The following DLGAP2 variants were observed in gnomAD, a reference collection of about 807,000 sequenced individuals.
DLGAP2 encodes DLG associated protein 2.
Under a neutral mutation model 100.3 loss-of-function variants are expected in DLGAP2, and 26 were observed. The ratio of observed to expected loss-of-function variants is 0.26; its 90% CI spans 0.19 to 0.36. The LOEUF (loss-of-function observed/expected upper bound fraction) is 0.36. DLGAP2 is among the 10% of genes least tolerant of loss of function. The pLI, the probability that DLGAP2 is intolerant of heterozygous loss-of-function variation, is 1.00. For synonymous variants in DLGAP2, 886 were observed against 630.1 expected, an observed-to-expected ratio of 1.41 and a Z score of -6.08; for missense variants, 1,858 against 1,453.2, an observed-to-expected ratio of 1.28 and a Z score of -4.53.
chr8:788,103 C>T (rs1044759356), intron 1 of DLGAP2, among the ~76,000 whole-genome samples: 4 of 152,198 alleles, frequency 2.6e-5, no homozygotes, highest in African/African-American at 9.6e-5. Flanking sequence ...TCTCCCCCCA[C>T]CAGGAGATCC....
chr8:1,259,322 T>A (rs1254154164), intron 3 of DLGAP2, among the ~76,000 whole-genome samples: 1 of 152,228 alleles, frequency 6.6e-6, no homozygotes, highest in Non-Finnish European at 1.5e-5. Context: ...TGAGTGATGT[T>A]CATCAGTGTT....
chr8:1,537,221 A>G (rs1052684174), intron 4 of DLGAP2, among the ~76,000 whole-genome samples: 2 of 152,072 alleles, frequency 1.3e-5, no homozygotes, highest in African/African-American at 2.4e-5. Context: ...GTACAAAAGC[A>G]TGTGCATCTG....
chr8:1,547,889 T>C (rs1284514513), intron 4 of DLGAP2, among the ~76,000 whole-genome samples: 1 of 152,196 alleles, frequency 6.6e-6, no homozygotes, highest in Non-Finnish European at 1.5e-5. Flanking sequence ...GAACAAACGA[T>C]TTCACGATTA....
intron 2 of DLGAP2, among the ~76,000 whole-genome samples, chr8:933,486 C>T (rs1417372453): frequency 7.4e-6 from 1 of 135,122 alleles, no homozygotes; most frequent in Non-Finnish European, 1.6e-5. Flanking sequence ...AGACACCTGG[C>T]TGTGGGCACA....
intron 3 of DLGAP2, among the ~76,000 whole-genome samples, chr8:1,465,637 C>T (rs2130176175): frequency 6.6e-6 from 1 of 152,326 alleles, no homozygotes; most frequent in Non-Finnish European, 1.5e-5. Context: ...AACCCCGATC[C>T]CAGTGCTAGG....
chr8:983,443 G>C (rs533570302), intron 2 of DLGAP2, among the ~76,000 whole-genome samples: 22 of 152,010 alleles, frequency 1.4e-4, no homozygotes, highest in Admixed American at 4.6e-4. Context: ...GAAGGTACAG[G>C]TCGTCAAGAT....
chr8:1,287,465 G>T (rs112853501), intron 3 of DLGAP2, among the ~76,000 whole-genome samples: 4 of 82,976 alleles, frequency 4.8e-5, no homozygotes, highest in East Asian at 6.8e-4. Context: ...ACTAGTTTCG[G>T]TTCAGCGTGT....
chr8:1,683,934 ATGTG>A (rs1191511331), intron 12 of DLGAP2, among the ~76,000 whole-genome samples: 8 of 93,534 alleles, frequency 8.6e-5, no homozygotes, highest in East Asian at 6.8e-4. Flanking sequence ...GTGTGTATAT[ATGTG>A]TATATATATA....
chr8:1,024,013 C>G (rs1248343497), intron 2 of DLGAP2, among the ~76,000 whole-genome samples: 1 of 151,902 alleles, frequency 6.6e-6, no homozygotes, highest in East Asian at 1.9e-4. Context: ...CTCAGGGCCC[C>G]TGTCTTCCTC....
At chr8:852,787 C>T (rs1471499699) in intron 1 of DLGAP2, among the ~76,000 whole-genome samples, 1 of 152,216 alleles carries the variant, frequency 6.6e-6, no homozygotes, top group African/African-American at 2.4e-5. Flanking sequence ...ATCTAAGTAG[C>T]ACAGTTTCAT....
intron 1 of DLGAP2, among the ~76,000 whole-genome samples, chr8:843,425 A>C (rs112044996): frequency 1.4e-4 from 21 of 152,174 alleles, no homozygotes; most frequent in Non-Finnish European, 2.5e-4. Flanking sequence ...CCCTCTGCAC[A>C]CTGACTGCTG....
chr8:1,384,893 C>T (rs1261616497), intron 3 of DLGAP2, among the ~76,000 whole-genome samples: 20 of 37,822 alleles, frequency 5.3e-4, no homozygotes, highest in African/African-American at 1.8e-3. Flanking sequence ...TGTGCCCGTC[C>T]CCTGAGAACT....
chr8:1,104,698 C>T (rs1014684791), intron 2 of DLGAP2, among the ~76,000 whole-genome samples: 1 of 150,490 alleles, frequency 6.6e-6, no homozygotes, highest in African/African-American at 2.4e-5. Context: ...TGGTGGGCTG[C>T]ACTGAGGGGT....
chr8:1,135,362 C>T (rs952899491), intron 2 of DLGAP2, among the ~76,000 whole-genome samples: 8 of 152,238 alleles, frequency 5.3e-5, no homozygotes, highest in Admixed American at 2.6e-4. Flanking sequence ...AGGACCCAGG[C>T]GGCTGTCTGA....
In DLGAP2 at chr8:1,347,908, C is replaced by G. The variant is rs189308950; in HGVS notation, c.106+89025C>G. Among the ~76,000 whole-genome samples, 138 of 151,158 alleles carry G rather than the reference C, an allele frequency of 9.1e-4. 2 individuals carry two copies. Among genetic ancestry groups the G allele is most frequent in the African/African-American group, 3.0e-3 (122 of 41,020 alleles). ...GTGGAGGTTGAGTTCCCATACAGAG[C>G]TACATTGCACTCATGGTAGCTGTGT... On this transcript the variant is annotated intron_variant, in intron 3 of 14. Coordinates refer to ENST00000637795, the MANE Select transcript of DLGAP2 (RefSeq NM_001346810.2).
At chr8:1,479,151 G>A (rs1799019824) in intron 3 of DLGAP2, among the ~76,000 whole-genome samples, 1 of 152,266 alleles carries the variant, frequency 6.6e-6, no homozygotes, top group Non-Finnish European at 1.5e-5. Context: ...GCAGGCCAGT[G>A]TTTCTTCAGC....
intron 3 of DLGAP2, among the ~76,000 whole-genome samples, chr8:1,319,492 C>T (rs1347370971): frequency 6.6e-6 from 1 of 152,172 alleles, no homozygotes; most frequent in Admixed American, 6.5e-5. Context: ...GGTGTGGAGG[C>T]AGCTGACGTG....
intron 6 of DLGAP2, among the ~76,000 whole-genome samples, chr8:1,568,018 G>T (rs942033694): frequency 6.6e-6 from 1 of 151,142 alleles, no homozygotes; most frequent in Admixed American, 6.6e-5. Context: ...CCATGCCACT[G>T]TCCACTCAGC....
chr8:1,383,172 A>G (rs1465409542), intron 3 of DLGAP2, among the ~76,000 whole-genome samples: 1 of 152,218 alleles, frequency 6.6e-6, no homozygotes, highest in East Asian at 1.9e-4. Flanking sequence ...TAAGTTTGTC[A>G]GGTATATTCA....
Sources: allele counts gnomAD v4.1 joint callset (sites outside exome capture counted in the v4.1 genomes callset), GRCh38; gene constraint gnomAD v4.1.1; transcripts MANE v1.5; gene names NCBI Gene and HGNC (gene_info 2026-07-23, HGNC 2026-07-21).